The following FAT1 variants were observed in gnomAD, a reference collection of about 807,000 sequenced individuals.
FAT1 encodes FAT atypical cadherin 1.
Under a neutral mutation model 329.8 loss-of-function variants are expected in FAT1, and 171 were observed. That is an observed-to-expected ratio of 0.52 (90% CI 0.46 to 0.59). FAT1 has a LOEUF of 0.59. FAT1 is among the 20% of genes least tolerant of loss of function. The pLI is 0.00. For synonymous variants in FAT1, 2,233 were observed against 2,228.6 expected (o/e 1.00, Z -0.06); for missense variants, 5,672 against 5,774.4 (o/e 0.98, Z 0.57).
chr4:186,610,054 GCCA>G, intron 14 of FAT1, 39 bp from the exon 15 acceptor site: 6 of 1,294,980 alleles, frequency 4.6e-6, no homozygotes, highest in Non-Finnish European at 6.7e-6. Context: ...ATTCTGCAAT[GCCA>G]CCACATTTTC....
chr4:186,716,675 C>T (rs1287113789), intron 1 of FAT1, among the ~76,000 whole-genome samples: 1 of 152,220 alleles, frequency 6.6e-6, no homozygotes, highest in Admixed American at 6.5e-5. Flanking sequence ...GCCTGGACCT[C>T]CCAAAATGTT....
In FAT1 at chr4:186,645,401, ATATATATATATATATATATAT is replaced by A. The variant is rs1560962435; in HGVS notation, c.3581-5639_3581-5619del. 5.1e-4 allele frequency among the ~76,000 whole-genome samples: 53 copies of A among 102,916 alleles called. No homozygotes were observed. The East Asian group carries it at 5.9e-3, about 12-fold the overall frequency. 67.5% of individuals were successfully genotyped at this position (102,916 alleles called of 152,430 possible). ...TATATATATATATATATATATATAT[ATATATATATATATATATATAT>A]GCCTGTAAAAAACTGAGATATATCC... On this transcript the variant is annotated intron_variant, in intron 3 of 26. Transcript: ENST00000441802.
intron 3 of FAT1, among the ~76,000 whole-genome samples, chr4:186,652,852 G>A (rs1579392735): frequency 6.6e-6 from 1 of 152,162 alleles, no homozygotes; most frequent in South Asian, 2.1e-4. Context: ...AACACATGAT[G>A]AGCACCCAGT....
intron 3 of FAT1, among the ~76,000 whole-genome samples, chr4:186,647,726 T>C (rs931621010): frequency 2.6e-5 from 4 of 152,210 alleles, no homozygotes; most frequent in African/African-American, 9.6e-5. Flanking sequence ...CACTTTCATA[T>C]ATTCTACTTG....
intron 9 of FAT1, 104 bp downstream of exon 9, chr4:186,628,050 C>T: frequency 8.2e-7 from 1 of 1,215,856 alleles, no homozygotes; most frequent in Non-Finnish European, 1.1e-6. Flanking sequence ...GCCATTTTTG[C>T]AGATACATAG....
rs145277827 is a variant in FAT1, at chr4:186,663,600, C to T, written c.3279G>A (p.Thr1093=). 41 of 1,607,864 alleles carry T rather than the reference C, an allele frequency of 2.5e-5. 2 individuals are homozygous for T. The highest frequency in any genetic ancestry group is 2.3e-4 in the South Asian group (21 of 91,046). ...TCGATTCACGGTCCAGTCGATCTGACGTCTCTATGACACCTACAGAGAAAA... is the reference window on the plus strand; with the variant it reads ...TCGATTCACGGTCCAGTCGATCTGATGTCTCTATGACACCTACAGAGAAAA... ...KIGEETGVIE[T]SDRLDRESTS... The change falls in exon 3 of 27, where the codon ACG becomes ACA. Residue 1093 remains threonine, a synonymous_variant. Transcript: ENST00000441802.
In FAT1 at chr4:186,589,128, G is replaced by A. The variant is rs1738114161; in HGVS notation, c.13231C>T (p.Pro4411Ser). ...GCGTTTGGATCTGCTGAGTACAGGG[G>A]TGTCTGCTCATCAATCACCTCATAG... ...PNYEVIDEQTPLYSADPNAID... is the reference protein window; with the variant it reads ...PNYEVIDEQTSLYSADPNAID... The change falls in exon 27 of 27, where the codon CCC becomes TCC. Residue 4411 changes from proline to serine, a missense_variant. By Grantham distance (74) the Pro-to-Ser change is moderately conservative. Coordinates refer to ENST00000441802, the MANE Select transcript of FAT1 (RefSeq NM_005245.4). 1 of 1,613,780 alleles carries A rather than the reference G, an allele frequency of 6.2e-7. No homozygotes were observed. The highest frequency in any genetic ancestry group is 1.3e-5 in the African/African-American group (1 of 74,908).
chr4:186,591,523 T>A (rs1289947198), intron 26 of FAT1, among the ~76,000 whole-genome samples: 1 of 152,242 alleles, frequency 6.6e-6, no homozygotes, highest in East Asian at 1.9e-4. Context: ...CTTTCAACTT[T>A]AAATTCCATG....
At chr4:186,719,984 G>T (rs28619448) in intron 1 of FAT1, among the ~76,000 whole-genome samples, 69,961 of 152,036 alleles carry the variant, frequency 0.46, 17,783 homozygotes, top group Non-Finnish European at 0.58. Flanking sequence ...CTAAGTATAT[G>T]ATTCTTAACC....
rs2126468865 is a variant in FAT1, at chr4:186,611,620, G to A, written c.9619C>T (p.Pro3207Ser). 1 of 1,613,484 alleles carries A rather than the reference G, an allele frequency of 6.2e-7. No homozygotes were observed. The change falls in exon 14 of 27, where the codon CCA (proline) becomes TCA (serine). Residue 3207 changes from proline (P) to serine (S), a missense_variant. Coordinates refer to ENST00000441802, the MANE Select transcript of FAT1 (RefSeq NM_005245.4). Reference protein sequence around the residue: ...LSLKAVDQGLPRRLTATGTVI... With the variant: ...LSLKAVDQGLSRRLTATGTVI... The stretch of plus-strand genomic sequence containing the variant: ...GTGCCAGTGGCAGTCAGCCTCCTTG[G>A]CAAGCCTTGATCCACAGCTTTCAAA...
At chr4:186,643,741 G>A (rs1741214348) in intron 3 of FAT1, among the ~76,000 whole-genome samples, 1 of 151,788 alleles carries the variant, frequency 6.6e-6, no homozygotes, top group Non-Finnish European at 1.5e-5. Context: ...AGTGTGTTCT[G>A]TGTTCACACT....
rs74520034 is a variant in FAT1, at chr4:186,611,840, T to C, written c.9464-65A>G. On this transcript the variant is annotated intron_variant, in intron 13 of 26. Coordinates refer to ENST00000441802, the MANE Select transcript of FAT1 (RefSeq NM_005245.4). The stretch of plus-strand genomic sequence containing the variant: ...AAAAGTTTAACACTTTTTTTTTTTT[T>C]TGAGATGGAGTCTCCCTCTGTCGCC... 9 of 1,267,370 alleles carry C rather than the reference T, an allele frequency of 7.1e-6. No homozygotes were observed. In the East Asian group the frequency reaches 2.0e-4, roughly 29 times the overall value. The allele number at this position is 1,267,370 out of a possible 1,614,324, so 78.5% of individuals were successfully genotyped here. A position where few individuals can be genotyped will look rare whatever the true frequency, so the allele number is the denominator to read the frequency against.
At chr4:186,717,073 G>C (rs561965058) in intron 1 of FAT1, among the ~76,000 whole-genome samples, 1 of 151,978 alleles carries the variant, frequency 6.6e-6, no homozygotes, top group African/African-American at 2.4e-5. Context: ...AGCGTAAATG[G>C]CTTTTTAAAA....
chr4:186,710,611 A>G (rs993961172), intron 1 of FAT1, among the ~76,000 whole-genome samples: 1 of 152,172 alleles, frequency 6.6e-6, no homozygotes, highest in Non-Finnish European at 1.5e-5. Context: ...TTCCTCTCTA[A>G]GTCAGTGAAG....
At chr4:186,642,677 G>A (rs1741159264) in intron 3 of FAT1, among the ~76,000 whole-genome samples, 1 of 152,248 alleles carries the variant, frequency 6.6e-6, no homozygotes, top group African/African-American at 2.4e-5. Flanking sequence ...TGGGTGGCTA[G>A]GGGCTGGCGG....
intron 2 of FAT1, among the ~76,000 whole-genome samples, chr4:186,678,207 T>G (rs1743039600): frequency 6.6e-6 from 1 of 152,078 alleles, no homozygotes; most frequent in African/African-American, 2.4e-5. Flanking sequence ...AACTAACCAC[T>G]AGAAAAAACA....
chr4:186,610,688 A>ATATAATTTATATAAATATAAATTTC (rs1739394132), intron 14 of FAT1, among the ~76,000 whole-genome samples: 1 of 63,126 alleles, frequency 1.6e-5, no homozygotes, highest in Non-Finnish European at 2.8e-5. Flanking sequence ...AATATAAATT[A>ATATAATTTATATAAATATAAATTTC]TATAATTTAT....
Position 186,720,158 on chromosome 4 carries a change from T to C in FAT1, c.-19+3506A>G, listed in dbSNP as rs141068655. Among the ~76,000 whole-genome samples, 68 of 152,370 alleles carry C rather than the reference T, an allele frequency of 4.5e-4. No homozygotes were observed. In the East Asian group the frequency reaches 0.011, roughly 24 times the overall value. On this transcript the variant is annotated intron_variant, in intron 1 of 26. Transcript: ENST00000441802. ...CCACCTAGTGGTGAAGGCTCTAAAG[T>C]AATGTAACATCTTGACCTCTTCCCT...
At chr4:186,616,967 A>C (rs1739740915) in intron 11 of FAT1, 38 bp downstream of exon 11, 1 of 1,562,650 alleles carries the variant, frequency 6.4e-7, no homozygotes, top group Non-Finnish European at 8.7e-7. Flanking sequence ...AAGAAATTGA[A>C]ATTCATAACA....
Sources: allele counts gnomAD v4.1 joint callset (sites outside exome capture counted in the v4.1 genomes callset), GRCh38; gene constraint gnomAD v4.1.1; transcripts MANE v1.5; gene names NCBI Gene and HGNC (gene_info 2026-07-23, HGNC 2026-07-21).